NSD3: variants seen among roughly 807,000 people sequenced by gnomAD.
NSD3 encodes histone-lysine N-methyltransferase NSD3.
A neutral mutation model predicts 160.8 loss-of-function variants in NSD3; 24 were observed. The ratio of observed to expected loss-of-function variants is 0.15; its 90% confidence interval spans 0.11 to 0.21. The LOEUF (loss-of-function observed/expected upper bound fraction) is 0.21. NSD3 is among the 10% of genes least tolerant of loss of function. The pLI is 1.00. For missense variants in NSD3, 1,157 were observed against 1,735.9 expected (o/e 0.67, Z 5.93); for synonymous variants, 520 against 600.0 (o/e 0.87, Z 1.95).
chr8:38,379,691 T>C (rs1249086090), intron 1 of NSD3, among the ~76,000 whole-genome samples: 1 of 152,236 alleles, frequency 6.6e-6, no homozygotes, highest in East Asian at 1.9e-4. Context: ...TGAGAGGATG[T>C]TGCCATTTAG....
At chr8:38,295,726 C>A in intron 16 of NSD3, 70 bp downstream of exon 16, 5 of 1,461,248 alleles carry the variant, frequency 3.4e-6, no homozygotes, top group Non-Finnish European at 4.7e-6. Flanking sequence ...CCAAGTCACT[C>A]TGTATCCAGA....
At chr8:38,276,275 G>C (rs1488935) in intron 23 of NSD3, 21 bp downstream of exon 23, 52 of 1,611,194 alleles carry the variant, frequency 3.2e-5, no homozygotes, top group Non-Finnish European at 4.2e-5. Flanking sequence ...TTAGGGAAAG[G>C]GTCCTGAAGG....
intron 15 of NSD3, among the ~76,000 whole-genome samples, chr8:38,296,672 CTCTGTGTGTG>C (rs1809154770): frequency 8.6e-6 from 1 of 115,814 alleles, no homozygotes; most frequent in Admixed American, 1.0e-4. Context: ...CTCTCTCTCC[CTCTGTGTGTG>C]TGTGTGTGTG....
chr8:38,300,481 T>C (rs1809252803), intron 14 of NSD3, among the ~76,000 whole-genome samples: 1 of 152,184 alleles, frequency 6.6e-6, no homozygotes, highest in South Asian at 2.1e-4. Context: ...TACATGATTT[T>C]AAAGGAGCCA....
At chr8:38,356,477 G>A (rs1260245962) in intron 1 of NSD3, among the ~76,000 whole-genome samples, 3 of 151,974 alleles carry the variant, frequency 2.0e-5, no homozygotes, top group Non-Finnish European at 4.4e-5. Context: ...AGCTCCTTAG[G>A]AGGCTGAAGT....
At chr8:38,307,957 C>T (rs1809447564) in intron 12 of NSD3, among the ~76,000 whole-genome samples, 1 of 152,164 alleles carries the variant, frequency 6.6e-6, no homozygotes, top group Non-Finnish European at 1.5e-5. Context: ...ACAGATAATT[C>T]ACAAGAGTCA....
intron 16 of NSD3, among the ~76,000 whole-genome samples, chr8:38,292,035 T>A: frequency 6.6e-6 from 1 of 152,332 alleles, no homozygotes; most frequent in South Asian, 2.1e-4. Context: ...ATAATTAAAA[T>A]TTAAGTGTTA....
At chr8:38,283,717 G>A (rs1436207451) in intron 19 of NSD3, among the ~76,000 whole-genome samples, 1 of 152,154 alleles carries the variant, frequency 6.6e-6, no homozygotes, top group Non-Finnish European at 1.5e-5. Flanking sequence ...AGCTACATAT[G>A]CTTCAGCTGC....
chr8:38,351,096 C>T lies in NSD3; in HGVS notation c.-44-2881G>A, dbSNP rs368588624. 1.0e-3 allele frequency among the ~76,000 whole-genome samples: 153 copies of T among 151,414 alleles called. 2 individuals carry two copies. In the Middle Eastern group the frequency reaches 0.01, roughly 10 times the overall value. ...ACGCCATTCTCCTGCCTCAGCCTCCCGAATAGCTGGGACTACAGGTGCCCG... is the reference window on the plus strand; with the variant it reads ...ACGCCATTCTCCTGCCTCAGCCTCCTGAATAGCTGGGACTACAGGTGCCCG... On this transcript the variant is annotated intron_variant, in intron 1 of 23. Coordinates refer to ENST00000317025, the MANE Select transcript of NSD3 (RefSeq NM_023034.2).
In NSD3 at chr8:38,382,182, C is replaced by T. The variant is rs1012822311; in HGVS notation, c.-428G>A. On this transcript the variant is annotated 5_prime_UTR_variant, in exon 1 of 24. Transcript: ENST00000317025. The surrounding 1 kb of genome is among the most constrained non-coding windows in gnomAD (Gnocchi z 4.2). ...CTCGGCTCGGAATTCGCACGCCTCT[C>T]CGCGGCGACCTGTGCACAGCCCCCT... 6.5e-6 allele frequency: 1 copy of T among 154,030 alleles called. No homozygotes were observed. The highest frequency in any genetic ancestry group is 2.4e-5 in the African/African-American group (1 of 41,440). The allele number at this position is 154,030 out of a possible 1,614,324, so 9.5% of individuals were successfully genotyped here.
At chr8:38,336,168 TAAAAGA>T (rs1008920967) in intron 4 of NSD3, 3 of 152,130 alleles carry the variant, frequency 2.0e-5, no homozygotes, top group Non-Finnish European at 2.9e-5. Context: ...TGGTTTAAAG[TAAAAGA>T]AAAAGAAACA....
At chr8:38,346,306 A>AGTATAT (rs916099489) in intron 2 of NSD3, among the ~76,000 whole-genome samples, 2 of 147,704 alleles carry the variant, frequency 1.4e-5, no homozygotes, top group Non-Finnish European at 3.0e-5. Flanking sequence ...TAGTATATAT[A>AGTATAT]GTATATGTAT....
Position 38,298,406 on chromosome 8 carries a change from C to T in NSD3, c.2758+1038G>A, listed in dbSNP as rs374974627. On this transcript the variant is annotated intron_variant, in intron 15 of 23. Coordinates refer to ENST00000317025, the MANE Select transcript of NSD3 (RefSeq NM_023034.2). The stretch of plus-strand genomic sequence containing the variant: ...TCCAATACTTCTAATATGTTCCAAT[C>T]GACTTGCTTAGTCTCACTTTCTTTT... Among the ~76,000 whole-genome samples the T allele has an allele frequency of 8.5e-5, 13 of 152,276 alleles. No individual in the cohort carries two copies. In the South Asian group the frequency reaches 1.5e-3, roughly 17 times the overall value.
intron 2 of NSD3, among the ~76,000 whole-genome samples, chr8:38,346,157 T>A (rs959307269): frequency 2.0e-5 from 3 of 150,844 alleles, no homozygotes; most frequent in African/African-American, 7.3e-5. Context: ...CATATATGTA[T>A]GCATATGTAT....
Position 38,329,401 on chromosome 8 carries a change from C to T in NSD3, c.1558G>A (p.Asp520Asn), listed in dbSNP as rs1418991870. Reference sequence around the variant, plus strand: ...ACCTTTGTTGAATAAACAAATTGATCGATAAATTTCCCATCCCCTGTAGCA... The same window carrying T: ...ACCTTTGTTGAATAAACAAATTGATTGATAAATTTCCCATCCCCTGTAGCA... ...QNATGDGKFI[D>N]QFVYSTKGIG... The change falls in exon 6 of 24, where the codon GAT (aspartate) becomes AAT (asparagine). Residue 520 changes from aspartate to asparagine, a missense_variant. Asp to Asn is a conservative substitution (Grantham distance 23). Transcript: ENST00000317025. The surrounding 1 kb of genome is among the most constrained non-coding windows in gnomAD (Gnocchi z 4.8). 9 of 1,609,242 alleles carry T rather than the reference C, an allele frequency of 5.6e-6. No individual in the cohort carries two copies. The highest frequency in any genetic ancestry group is 2.2e-5 in the East Asian group (1 of 44,754).
At chr8:38,303,323 G>T (rs1238926251) in intron 14 of NSD3, 3 of 985,178 alleles carry the variant, frequency 3.0e-6, no homozygotes, top group Non-Finnish European at 2.4e-6. Context: ...CACCTGTTAC[G>T]ATATAGCAGG....
chr8:38,278,387 G>A lies in NSD3; in HGVS notation c.3786C>T (p.Asn1262=). The A allele has an allele frequency of 3.1e-6, 5 of 1,613,572 alleles. No homozygotes were observed. Among genetic ancestry groups the A allele is most frequent in the Non-Finnish European group, 4.2e-6 (5 of 1,179,820 alleles). The change falls in exon 22 of 24, where the codon AAC becomes AAT. Residue 1262 remains asparagine (N), a synonymous_variant. Coordinates refer to ENST00000317025, the MANE Select transcript of NSD3 (RefSeq NM_023034.2). ...TTCTGCCGTTGCCCAGACAATCTAG[G>A]TTATAATTAAATGTTAACTCCATCC... is the stretch of plus-strand genomic sequence containing the variant. The part of the protein sequence containing the change: ...PAGMELTFNY[N]LDCLGNGRTE...
chr8:38,302,188 TA>T (rs1323892714), intron 14 of NSD3, among the ~76,000 whole-genome samples: 4 of 152,208 alleles, frequency 2.6e-5, no homozygotes, highest in Non-Finnish European at 5.9e-5. Context: ...AAAAATTCTG[TA>T]TAAGGCAAGA....
intron 16 of NSD3, among the ~76,000 whole-genome samples, chr8:38,295,000 C>T (rs574858303): frequency 1.3e-4 from 19 of 151,400 alleles, no homozygotes; most frequent in African/African-American, 3.4e-4. Flanking sequence ...AAAAATTAGA[C>T]GGGCATGGTA....
Sources: gnomAD v4.1 joint callset for allele counts (sites outside exome capture counted in the v4.1 genomes callset) on GRCh38, gnomAD v4.1.1 for gene constraint, Gnocchi (gnomAD v3.1) non-coding constraint, MANE v1.5 for transcripts, NCBI Gene and HGNC (gene_info 2026-07-23, HGNC 2026-07-21) for gene names.